ZNF248: variants seen among roughly 807,000 people sequenced by gnomAD.
The protein encoded by ZNF248 is KRAB protein domain.
ZNF248 carries 20 observed loss-of-function variants against 44.3 expected under a neutral mutation model. The ratio of observed to expected loss-of-function variants is 0.45; its 90% CI spans 0.32 to 0.66. ZNF248 has a LOEUF of 0.66. Ranked by LOEUF, ZNF248 falls within the 30% of genes least tolerant of loss-of-function variation. The pLI, the probability that ZNF248 is intolerant of heterozygous loss-of-function variation, is 0.04. For synonymous variants in ZNF248, 224 were observed against 229.0 expected (o/e 0.98, Z 0.20); for missense variants, 654 against 677.0 (o/e 0.97, Z 0.38).
At chr10:37,791,780 AAG>A (rs1383823200) in intron 6 of ZNF248, 4 of 152,220 alleles carry the variant, frequency 2.6e-5, no homozygotes, top group African/African-American at 9.6e-5. Context: ...GCCAACCTGA[AAG>A]AGCTCTCTCA....
At chr10:37,775,578 T>C (rs1333305645), downstream of ZNF248, 1 of 152,230 alleles carries the variant, frequency 6.6e-6, no homozygotes, top group Non-Finnish European at 1.5e-5. Context: ...TTCACACATG[T>C]AAATCTGACA....
chr10:37,805,826 A>G (rs1457667453), intron 6 of ZNF248, among the ~76,000 whole-genome samples: 1 of 152,146 alleles, frequency 6.6e-6, no homozygotes, highest in Non-Finnish European at 1.5e-5. Flanking sequence ...CACCAATAGC[A>G]TATTATATAT....
chr10:37,780,357 C>T (rs373799191), intron 6 of ZNF248, among the ~76,000 whole-genome samples: 48 of 152,246 alleles, frequency 3.2e-4, no homozygotes, highest in East Asian at 1.2e-3. Flanking sequence ...TCAGAAATAA[C>T]GCCACATATC....
intron 6 of ZNF248, among the ~76,000 whole-genome samples, chr10:37,810,388 C>T (rs2051299956): frequency 6.6e-6 from 1 of 152,068 alleles, no homozygotes; most frequent in Non-Finnish European, 1.5e-5. Context: ...ATTGCTATAT[C>T]TTCTTGCTGT....
intron 6 of ZNF248, chr10:37,818,734 A>G (rs955010786): frequency 1.8e-5 from 11 of 625,032 alleles, no homozygotes; most frequent in African/African-American, 1.3e-4. Flanking sequence ...CTGGGCATCA[A>G]TGCAGTCCTC....
the ZNF248 span, among the ~76,000 whole-genome samples, chr10:37,765,932 C>A: frequency 6.6e-6 from 1 of 152,220 alleles, no homozygotes; most frequent in Admixed American, 6.5e-5. Context: ...TTCCAACGGG[C>A]TTAAAAAACG....
At chr10:37,849,474 G>T (rs1010510840) in intron 3 of ZNF248, among the ~76,000 whole-genome samples, 13 of 152,138 alleles carry the variant, frequency 8.5e-5, no homozygotes, top group Middle Eastern at 6.8e-3. Context: ...CCTGAAGTCA[G>T]GAGTTCAAGG....
At chr10:37,852,632 T>G (rs200941) in intron 3 of ZNF248, among the ~76,000 whole-genome samples, 33,928 of 150,610 alleles carry the variant, frequency 0.23, 3,979 homozygotes, top group East Asian at 0.4. Context: ...AGACCCTATC[T>G]CTCTCTATAT....
chr10:37,772,020 A>T (rs2046264386), downstream of ZNF248, among the ~76,000 whole-genome samples: 1 of 152,172 alleles, frequency 6.6e-6, no homozygotes, highest in African/African-American at 2.4e-5. Flanking sequence ...TAATCCCAGT[A>T]CTTTGGGAGG....
intron 6 of ZNF248, chr10:37,802,821 A>G (rs1297770132): frequency 1.3e-5 from 2 of 152,104 alleles, no homozygotes; most frequent in African/African-American, 4.8e-5. Context: ...TGGCACTTAG[A>G]CTTTTTTGTT....
At chr10:37,775,292 A>G (rs183305523), downstream of ZNF248, 3 of 150,380 alleles carry the variant, frequency 2.0e-5, no homozygotes, top group Non-Finnish European at 4.5e-5. Flanking sequence ...TATCATGTTA[A>G]TCTTTTATCA....
downstream of ZNF248, chr10:37,776,276 C>A: frequency 3.4e-6 from 1 of 291,024 alleles, no homozygotes; most frequent in Non-Finnish European, 6.3e-6. Flanking sequence ...CCCTTTCCAC[C>A]ACTCAGTCCA....
chr10:37,836,382 C>T (rs1334518262), intron 5 of ZNF248, among the ~76,000 whole-genome samples: 3 of 152,092 alleles, frequency 2.0e-5, no homozygotes, highest in African/African-American at 4.8e-5. Flanking sequence ...ATGTATCTAC[C>T]ATAGCTCATG....
chr10:37,813,597 C>T (rs926314087), intron 6 of ZNF248, among the ~76,000 whole-genome samples: 22 of 152,096 alleles, frequency 1.4e-4, no homozygotes, highest in South Asian at 4.2e-4. Flanking sequence ...ATCTTCCTTA[C>T]GATTTTTTTT....
chr10:37,803,110 C>A (rs951927884), intron 6 of ZNF248: 1 of 152,206 alleles, frequency 6.6e-6, no homozygotes, highest in Admixed American at 6.5e-5. Context: ...AGGCATGAGC[C>A]ACCGAGCTCA....
intron 6 of ZNF248, among the ~76,000 whole-genome samples, chr10:37,814,577 C>T (rs1045828074): frequency 6.6e-6 from 1 of 152,194 alleles, no homozygotes; most frequent in Admixed American, 6.5e-5. Context: ...CTACTGCTAT[C>T]AGACTCCCTC....
intron 6 of ZNF248, chr10:37,818,562 A>G (rs1316706256): frequency 2.8e-6 from 1 of 358,824 alleles, no homozygotes; most frequent in African/African-American, 2.1e-5. Context: ...CTATTTGTCC[A>G]CTTTGTGTGT....
downstream of ZNF248, among the ~76,000 whole-genome samples, chr10:37,825,745 C>T (rs1167919612): frequency 2.0e-5 from 3 of 152,118 alleles, no homozygotes; most frequent in Non-Finnish European, 4.4e-5. Flanking sequence ...CCAGCCGTCA[C>T]ATTTCCAAAC....
chr10:37,763,063 A>G, the ZNF248 span, among the ~76,000 whole-genome samples: 6 of 152,214 alleles, frequency 3.9e-5, no homozygotes, highest in East Asian at 1.9e-4. Flanking sequence ...AAATGCTTAT[A>G]GTAGGATACT....
Sources: gnomAD v4.1 joint callset for allele counts (sites outside exome capture counted in the v4.1 genomes callset) on GRCh38, gnomAD v4.1.1 for gene constraint, MANE v1.5 for transcripts, NCBI Gene and HGNC (gene_info 2026-07-23, HGNC 2026-07-21) for gene names.